Variants in C13orf42 observed in about 807,000 individuals in gnomAD.
The protein encoded by C13orf42 is uncharacterized protein C13orf42.
At chr13:51,091,993 TCCCCTG>T (rs1315729849) in intron 1 of C13orf42, among the ~76,000 whole-genome samples, 1 of 152,078 alleles carries the variant, frequency 6.6e-6, no homozygotes, top group Non-Finnish European at 1.5e-5. Flanking sequence ...ACTCCATCCA[TCCCCTG>T]CTGCTCTCTC....
upstream of C13orf42, among the ~76,000 whole-genome samples, chr13:51,112,638 C>T (rs1387897037): frequency 3.9e-5 from 6 of 152,254 alleles, no homozygotes; most frequent in East Asian, 1.2e-3. Context: ...AAAGCATCTC[C>T]ACACATACTA....
At chr13:51,159,269 C>T (rs1566142225) in intron 1 of C13orf42, among the ~76,000 whole-genome samples, 1 of 152,118 alleles carries the variant, frequency 6.6e-6, no homozygotes, top group Non-Finnish European at 1.5e-5. Context: ...TTTTCTTCCC[C>T]GGAGGTTGCT....
chr13:51,085,906 G>A (rs568333143), intron 2 of C13orf42, among the ~76,000 whole-genome samples: 9 of 152,128 alleles, frequency 5.9e-5, no homozygotes, highest in Admixed American at 2.0e-4. Context: ...AAAATTAGCC[G>A]GGCGTAGTGG....
chr13:51,113,046 C>T (rs1953450618), upstream of C13orf42: 1 of 152,178 alleles, frequency 6.6e-6, no homozygotes, highest in Non-Finnish European at 1.5e-5. Context: ...TGTGGGTTTA[C>T]AATTACGCTT....
intron 1 of C13orf42, among the ~76,000 whole-genome samples, chr13:51,130,153 T>C (rs554737870): frequency 6.6e-6 from 1 of 152,268 alleles, no homozygotes; most frequent in Non-Finnish European, 1.5e-5. Context: ...CACATGACTT[T>C]AGTAATCTTT....
At chr13:51,105,405 G>A (rs1262696215) in intron 1 of C13orf42, among the ~76,000 whole-genome samples, 1 of 152,184 alleles carries the variant, frequency 6.6e-6, no homozygotes, top group African/African-American at 2.4e-5. Context: ...GTGCTCAATC[G>A]ATATGTGTTA....
chr13:51,084,776 C>T (rs17075302), intron 3 of C13orf42, among the ~76,000 whole-genome samples: 5,876 of 152,198 alleles, frequency 0.039, 361 homozygotes, highest in African/African-American at 0.13. Flanking sequence ...AGGAATTTGA[C>T]GGTTAGTGAT....
chr13:51,148,549 C>G (rs1357453236), intron 1 of C13orf42, among the ~76,000 whole-genome samples: 1 of 152,296 alleles, frequency 6.6e-6, no homozygotes, highest in African/African-American at 2.4e-5. Context: ...AGGAGGCTCA[C>G]GAAGGAAGAG....
At chr13:51,126,674 T>C (rs1953579920) in intron 1 of C13orf42, among the ~76,000 whole-genome samples, 1 of 152,196 alleles carries the variant, frequency 6.6e-6, no homozygotes, top group South Asian at 2.1e-4. Context: ...TGCGTTGTCC[T>C]GGGCTGGGAA....
chr13:51,157,729 C>G (rs536832976), intron 1 of C13orf42, among the ~76,000 whole-genome samples: 335 of 152,342 alleles, frequency 2.2e-3, no homozygotes, highest in Non-Finnish European at 4.1e-3. Context: ...AGGCAACCAA[C>G]TGGTGTTTTT....
intron 1 of C13orf42, among the ~76,000 whole-genome samples, chr13:51,122,877 T>C (rs1212635269): frequency 6.6e-6 from 1 of 152,188 alleles, no homozygotes; most frequent in Non-Finnish European, 1.5e-5. Context: ...TATTCTATCC[T>C]CACCAATCTT....
intron 1 of C13orf42, among the ~76,000 whole-genome samples, chr13:51,141,097 T>A (rs1221581470): frequency 1.9e-4 from 14 of 72,682 alleles, no homozygotes; most frequent in African/African-American, 6.9e-4. Context: ...CGAAGGGAGG[T>A]GTGTGTGTGT....
chr13:51,150,608 A>T (rs1953771286), intron 1 of C13orf42, among the ~76,000 whole-genome samples: 1 of 152,116 alleles, frequency 6.6e-6, no homozygotes, highest in South Asian at 2.1e-4. Context: ...GTATAACAGA[A>T]CCTCTTTCTT....
At chr13:51,096,216 A>T (rs1593530911) in intron 1 of C13orf42, among the ~76,000 whole-genome samples, 1 of 152,266 alleles carries the variant, frequency 6.6e-6, no homozygotes, top group East Asian at 1.9e-4. Flanking sequence ...TCCTAAAGAG[A>T]GGGTTTCCCT....
At chr13:51,146,578 A>T (rs553647999) in intron 1 of C13orf42, among the ~76,000 whole-genome samples, 2 of 152,334 alleles carry the variant, frequency 1.3e-5, no homozygotes, top group Admixed American at 1.3e-4. Flanking sequence ...ATCAATCAAT[A>T]TATGTAAGAT....
At chr13:51,087,804 A>G in intron 2 of C13orf42, 124 bp downstream of exon 2, 1 of 395,992 alleles carries the variant, frequency 2.5e-6, no homozygotes, top group East Asian at 3.6e-5. Context: ...CCCTTTAATC[A>G]GGGAGGTGGG....
intron 1 of C13orf42, among the ~76,000 whole-genome samples, chr13:51,155,641 C>T (rs1449355638): frequency 6.6e-6 from 1 of 152,230 alleles, no homozygotes; most frequent in Non-Finnish European, 1.5e-5. Flanking sequence ...CTTTACCTCT[C>T]ACACTCGCTG....
At chr13:51,111,431 C>T (rs1366823256), upstream of C13orf42, among the ~76,000 whole-genome samples, 4 of 152,154 alleles carry the variant, frequency 2.6e-5, no homozygotes, top group African/African-American at 7.2e-5. Context: ...ATAAACAACC[C>T]GAAGATAGAA....
At chr13:51,140,634 G>A (rs371212707) in intron 1 of C13orf42, among the ~76,000 whole-genome samples, 1 of 152,116 alleles carries the variant, frequency 6.6e-6, no homozygotes, top group East Asian at 1.9e-4. Flanking sequence ...GAGATCTAAA[G>A]TTTATTTTGC....
Sources: gnomAD v4.1 joint callset for allele counts (sites outside exome capture counted in the v4.1 genomes callset) on GRCh38, gnomAD v4.1.1 for gene constraint, MANE v1.5 for transcripts, NCBI Gene and HGNC (gene_info 2026-07-23, HGNC 2026-07-21) for gene names.